The following NALCN variants were observed in gnomAD, a reference collection of about 807,000 sequenced individuals.
NALCN encodes the protein sodium leak channel, non-selective.
NALCN carries 111 observed loss-of-function variants against 225.3 expected under a neutral mutation model. The observed-to-expected ratio is 0.49, with a 90% CI of 0.42 to 0.58. The LOEUF (loss-of-function observed/expected upper bound fraction) is 0.58. Ranked by LOEUF, NALCN falls within the 20% of genes least tolerant of loss-of-function variation. The probability of loss-of-function intolerance (pLI) is 0.00; values close to 1 mark genes in which losing one functional copy is unlikely to be tolerated. For synonymous variants in NALCN, 764 were observed against 769.0 expected, an observed-to-expected ratio of 0.99 and a Z score of 0.11; for missense variants, 1,378 against 2,202.4, an observed-to-expected ratio of 0.63 and a Z score of 7.49.
chr13:101,229,905 A>C (rs1305801099), intron 12 of NALCN, among the ~76,000 whole-genome samples: 1 of 152,186 alleles, frequency 6.6e-6, no homozygotes, highest in African/African-American at 2.4e-5. Context: ...TACAGGTTGA[A>C]CATTCCTAAT....
intron 10 of NALCN, among the ~76,000 whole-genome samples, chr13:101,275,848 G>A (rs1316248255): frequency 6.6e-6 from 1 of 151,918 alleles, no homozygotes; most frequent in African/African-American, 2.4e-5. Context: ...GGCAGATCAC[G>A]AGGTCAGAAG....
chr13:101,284,082 TC>T, intron 9 of NALCN, 63 bp from the exon 10 acceptor site: 14 of 1,366,404 alleles, frequency 1.0e-5, no homozygotes, highest in South Asian at 1.3e-5. Flanking sequence ...GAACTCTATG[TC>T]TCCAGCTTTG....
intron 15 of NALCN, among the ~76,000 whole-genome samples, chr13:101,158,350 T>C (rs528622882): frequency 2.6e-5 from 4 of 152,348 alleles, no homozygotes; most frequent in South Asian, 4.1e-4. Flanking sequence ...TGAATGAGCA[T>C]GTCTTGGCTT....
chr13:101,240,008 G>A (rs1207544207), intron 11 of NALCN, among the ~76,000 whole-genome samples: 1 of 151,890 alleles, frequency 6.6e-6, no homozygotes, highest in Admixed American at 6.6e-5. Context: ...CTATTATATG[G>A]TGTTATGTTG....
rs183458400 is a variant in NALCN, at chr13:101,233,176, C to G, written c.1435-3592G>C. On this transcript the variant is annotated intron_variant, in intron 12 of 43. Coordinates refer to ENST00000251127, the MANE Select transcript of NALCN (RefSeq NM_052867.4). ...CAGATACAACATGAAGTAAACCATA[C>G]TCTCAAAGATAAGCACTTCAGAACA... Among the ~76,000 whole-genome samples the G allele has an allele frequency of 1.1e-4, 17 of 152,260 alleles. 1 individual carries two copies. In the East Asian group the frequency reaches 3.3e-3, roughly 29 times the overall value.
intron 15 of NALCN, among the ~76,000 whole-genome samples, chr13:101,158,643 C>A (rs747095383): frequency 6.6e-6 from 1 of 152,190 alleles, no homozygotes; most frequent in Non-Finnish European, 1.5e-5. Flanking sequence ...AAGGAAGATG[C>A]CAGCTTCCTT....
At chr13:101,171,499 G>C (rs2139915914) in intron 15 of NALCN, among the ~76,000 whole-genome samples, 1 of 151,972 alleles carries the variant, frequency 6.6e-6, no homozygotes, top group Non-Finnish European at 1.5e-5. Context: ...AGAGAAATAT[G>C]GTTTCTACGT....
chr13:101,059,993 G>A, intron 41 of NALCN, 26 bp from the exon 42 acceptor site: 1 of 1,612,018 alleles, frequency 6.2e-7, no homozygotes. Context: ...TGTTTGTTCA[G>A]TAAAATAAGC....
intron 13 of NALCN, among the ~76,000 whole-genome samples, chr13:101,215,097 A>T (rs2040677906): frequency 6.6e-6 from 1 of 152,188 alleles, no homozygotes; most frequent in African/African-American, 2.4e-5. Flanking sequence ...ATAAAGCCTG[A>T]CCAGACCAAG....
At chr13:101,265,804 G>A (rs1354109096) in intron 10 of NALCN, among the ~76,000 whole-genome samples, 2 of 152,066 alleles carry the variant, frequency 1.3e-5, no homozygotes, top group African/African-American at 4.8e-5. Flanking sequence ...GCCCAAACCA[G>A]GTAGTCTCTT....
At chr13:101,215,017 T>C (rs188341192) in intron 13 of NALCN, among the ~76,000 whole-genome samples, 1 of 152,218 alleles carries the variant, frequency 6.6e-6, no homozygotes, top group African/African-American at 2.4e-5. Flanking sequence ...GGAAATAAAA[T>C]TGTTCCCTCT....
chr13:101,283,757 T>G lies in NALCN; in HGVS notation c.1134+176A>C, dbSNP rs946023. Among the ~76,000 whole-genome samples, 15,693 of 151,068 alleles carry G rather than the reference T, an allele frequency of 0.1. 1,119 individuals carry two copies. Among genetic ancestry groups the G allele is most frequent in the African/African-American group, 0.19 (8,008 of 41,144 alleles). On this transcript the variant is annotated intron_variant, in intron 10 of 43. Transcript: ENST00000251127. ...AAACTTATCAAATCCCTATTGTGTA[T>G]GTTAAAAAAAAAAAAGCTAGGTCCT...
rs188474359 is a variant in NALCN at position 101,212,029 on chromosome 13, C to T, written c.1626+17364G>A. ...TAAAGTAAAAATCTTCAAAAGCTCC[C>T]TTGTGTCACAGTTCCAACCACTGAA... is the stretch of plus-strand genomic sequence containing the variant. On this transcript the variant is annotated intron_variant, in intron 13 of 43. Coordinates refer to ENST00000251127, the MANE Select transcript of NALCN (RefSeq NM_052867.4). Among the ~76,000 whole-genome samples the T allele has an allele frequency of 6.8e-3, 1,030 of 152,168 alleles. 6 individuals carry two copies. The highest frequency in any genetic ancestry group is 0.034 in the South Asian group (164 of 4,820).
At position 101,060,271 on chromosome 13, in the gene NALCN, TTC is replaced by T. The variant is rs376972545; in HGVS notation, c.4756-306_4756-305del. 0.013 allele frequency among the ~76,000 whole-genome samples: 1,694 copies of T among 126,032 alleles called. 54 individuals are homozygous for T. The highest frequency in any genetic ancestry group is 0.056 in the African/African-American group (1,621 of 29,016). The allele number at this position is 126,032 out of a possible 152,430, so 82.7% of individuals were successfully genotyped here. ...TGTTTTTCTTTTTGTTGTTGGTGTT[TTC>T]TGTTTTTTTTTTTTTTTTTTTAGAT... On this transcript the variant is annotated intron_variant, in intron 41 of 43. Coordinates refer to ENST00000251127, the MANE Select transcript of NALCN (RefSeq NM_052867.4).
intron 15 of NALCN, among the ~76,000 whole-genome samples, chr13:101,156,671 T>C (rs2037916837): frequency 6.6e-6 from 1 of 152,186 alleles, no homozygotes; most frequent in Non-Finnish European, 1.5e-5. Flanking sequence ...CTTTCTCTGA[T>C]GGTATGAACT....
chr13:101,346,731 A>T (rs1484439450), intron 6 of NALCN, among the ~76,000 whole-genome samples: 1 of 152,170 alleles, frequency 6.6e-6, no homozygotes, highest in African/African-American at 2.4e-5. Flanking sequence ...CAGCAAGTAT[A>T]GATAACATAG....
intron 11 of NALCN, among the ~76,000 whole-genome samples, chr13:101,238,233 C>T (rs886219228): frequency 4.6e-5 from 7 of 151,784 alleles, no homozygotes; most frequent in Non-Finnish European, 8.9e-5. Context: ...TCTATGTACA[C>T]AAAAGGCTGA....
At chr13:101,285,261 A>G (rs2043297877) in intron 9 of NALCN, among the ~76,000 whole-genome samples, 1 of 152,150 alleles carries the variant, frequency 6.6e-6, no homozygotes, top group Non-Finnish European at 1.5e-5. Flanking sequence ...GGTGAGAGAC[A>G]GTTGCCAAAA....
At chr13:101,201,605 T>G (rs969852883) in intron 13 of NALCN, among the ~76,000 whole-genome samples, 1 of 152,218 alleles carries the variant, frequency 6.6e-6, no homozygotes, top group Non-Finnish European at 1.5e-5. Flanking sequence ...TTATGAACAT[T>G]TATATACAAG....
Sources: allele counts gnomAD v4.1 joint callset (sites outside exome capture counted in the v4.1 genomes callset), GRCh38; gene constraint gnomAD v4.1.1; transcripts MANE v1.5; gene names NCBI Gene and HGNC (gene_info 2026-07-23, HGNC 2026-07-21).